ITPR1: variants seen among roughly 807,000 people sequenced by gnomAD.
ITPR1 encodes the protein inositol 1,4,5-trisphosphate-gated calcium channel ITPR1.
ITPR1 carries 96 observed loss-of-function variants against 318.4 expected under a neutral mutation model. The ratio of observed to expected loss-of-function variants is 0.30; its 90% confidence interval spans 0.26 to 0.36. The LOEUF is 0.36. Ranked by LOEUF, ITPR1 falls within the 10% of genes least tolerant of loss-of-function variation. The pLI is 1.00. For synonymous variants in ITPR1, 1,312 were observed against 1,289.9 expected (o/e 1.02, Z -0.37); for missense variants, 2,440 against 3,460.2 (o/e 0.71, Z 7.40).
At chr3:4,743,852 T>G (rs2043881124) in intron 44 of ITPR1, among the ~76,000 whole-genome samples, 1 of 152,224 alleles carries the variant, frequency 6.6e-6, no homozygotes, top group South Asian at 2.1e-4. Flanking sequence ...TTTGTTTGTT[T>G]GAGACGGAGT....
At chr3:4,773,410 TA>T (rs2046307742) in intron 46 of ITPR1, among the ~76,000 whole-genome samples, 1 of 152,362 alleles carries the variant, frequency 6.6e-6, no homozygotes, top group East Asian at 1.9e-4. Flanking sequence ...ACAGGTGTTA[TA>T]AGAGTTGCCT....
intron 46 of ITPR1, among the ~76,000 whole-genome samples, chr3:4,769,486 T>C (rs1344863014): frequency 5.9e-5 from 9 of 152,208 alleles, no homozygotes; most frequent in African/African-American, 2.4e-5. Flanking sequence ...TAAATATTTG[T>C]TGGTTGAATG....
In ITPR1 at chr3:4,670,996, G is replaced by A. The variant is rs775547888; in HGVS notation, c.2204+70G>A. The A allele has an allele frequency of 1.1e-4, 126 of 1,137,682 alleles. 1 individual carries two copies. In the Admixed American group the frequency reaches 2.4e-3, roughly 22 times the overall value. 70.5% of individuals were successfully genotyped at this position (1,137,682 alleles called of 1,614,324 possible). A position where few individuals can be genotyped will look rare whatever the true frequency, so the allele number is the denominator to read the frequency against. ...AGTGGCACTTAGGAATTTGTTGCTC[G>A]TTTGTTGATTACTTCAAGGAATCAC... On this transcript the variant is annotated intron_variant, in intron 20 of 61. Transcript: ENST00000649015.
chr3:4,496,146 G>C (rs923683023), intron 2 of ITPR1, among the ~76,000 whole-genome samples: 1 of 152,190 alleles, frequency 6.6e-6, no homozygotes, highest in African/African-American at 2.4e-5. Flanking sequence ...TTACATCAAA[G>C]AATCTGAGTA....
chr3:4,807,762 T>G (rs1249626529), intron 55 of ITPR1, among the ~76,000 whole-genome samples: 4 of 152,246 alleles, frequency 2.6e-5, no homozygotes, highest in Admixed American at 2.0e-4. Context: ...GTGATTCCCA[T>G]TATGTCGCCT....
chr3:4,678,873 A>G (rs1251547418), intron 24 of ITPR1, among the ~76,000 whole-genome samples: 1 of 152,172 alleles, frequency 6.6e-6, no homozygotes, highest in African/African-American at 2.4e-5. Flanking sequence ...GGAAGTTGTC[A>G]GAAGTGAGTT....
intron 44 of ITPR1, among the ~76,000 whole-genome samples, chr3:4,743,188 C>T (rs2043831553): frequency 6.6e-6 from 1 of 152,266 alleles, no homozygotes; most frequent in Non-Finnish European, 1.5e-5. Context: ...CTCTTCCTTT[C>T]CTCCTACTTT....
At chr3:4,652,048 C>T in intron 10 of ITPR1, 75 bp from the exon 11 acceptor site, 1 of 1,145,532 alleles carries the variant, frequency 8.7e-7, no homozygotes, top group South Asian at 1.3e-5. Context: ...TGAACTATGA[C>T]TTGTGATACC....
At chr3:4,837,840 T>A (rs964122471) in intron 61 of ITPR1, among the ~76,000 whole-genome samples, 1 of 152,194 alleles carries the variant, frequency 6.6e-6, no homozygotes, top group African/African-American at 2.4e-5. Flanking sequence ...TGCATTTCTG[T>A]AAGTGACTGG....
At chr3:4,549,470 T>C (rs2085340043) in intron 4 of ITPR1, among the ~76,000 whole-genome samples, 1 of 152,190 alleles carries the variant, frequency 6.6e-6, no homozygotes, top group African/African-American at 2.4e-5. Flanking sequence ...AGCCCTTGAA[T>C]TTGGAGGACC....
intron 4 of ITPR1, among the ~76,000 whole-genome samples, chr3:4,569,055 C>G (rs1327491922): frequency 4.6e-5 from 7 of 152,134 alleles, no homozygotes; most frequent in Non-Finnish European, 1.0e-4. Context: ...TCACCTCCCA[C>G]CAGGCCCCAC....
At position 4,684,361 on chromosome 3, in the gene ITPR1, C is replaced by A. The variant is rs374485243; in HGVS notation, c.3564+15C>A. 27 of 1,586,736 alleles carry A rather than the reference C, an allele frequency of 1.7e-5. No individual in the cohort carries two copies. The highest frequency in any genetic ancestry group is 2.3e-5 in the Non-Finnish European group (27 of 1,156,436). ...TGGTCAAAGAGGTAAGCTCCTCCCCCACCACCATTTTTCCTTTCTTTATGA... is the reference window on the plus strand; with the variant it reads ...TGGTCAAAGAGGTAAGCTCCTCCCCAACCACCATTTTTCCTTTCTTTATGA... On this transcript the variant is annotated intron_variant, in intron 29 of 61. Transcript: ENST00000649015.
intron 10 of ITPR1, among the ~76,000 whole-genome samples, chr3:4,648,287 A>G (rs537815766): frequency 6.6e-6 from 1 of 152,134 alleles, no homozygotes; most frequent in Admixed American, 6.5e-5. Context: ...TCCTCTCTAC[A>G]TGCATTTGCC....
At chr3:4,648,189 A>G (rs922288142) in intron 10 of ITPR1, among the ~76,000 whole-genome samples, 1 of 151,830 alleles carries the variant, frequency 6.6e-6, no homozygotes, top group African/African-American at 2.4e-5. Context: ...TGGGCATTGT[A>G]TAGAAAAGTT....
intron 2 of ITPR1, among the ~76,000 whole-genome samples, chr3:4,513,392 G>T (rs1285932673): frequency 1.3e-5 from 2 of 152,140 alleles, no homozygotes; most frequent in Non-Finnish European, 2.9e-5. Context: ...CAAGCTTTCT[G>T]CCCAGTCCTT....
intron 2 of ITPR1, among the ~76,000 whole-genome samples, chr3:4,515,752 G>A (rs1330616009): frequency 1.3e-5 from 2 of 152,174 alleles, no homozygotes; most frequent in East Asian, 3.8e-4. Context: ...CTAACTAGCT[G>A]CGTGTTCCTG....
intron 4 of ITPR1, chr3:4,596,251 T>C (rs1019209826): frequency 6.6e-6 from 1 of 152,176 alleles, no homozygotes; most frequent in Non-Finnish European, 1.5e-5. Flanking sequence ...GAGTTTATTG[T>C]AAACGGTCTG....
At chr3:4,786,011 TTCAC>T (rs1407454621) in intron 51 of ITPR1, among the ~76,000 whole-genome samples, 8 of 152,304 alleles carry the variant, frequency 5.3e-5, no homozygotes, top group South Asian at 2.1e-4. Flanking sequence ...ACCCAATGTC[TTCAC>T]TCTGGTGAAC....
At position 4,675,245 on chromosome 3, in the gene ITPR1, A is replaced by G. The variant is rs765099514; in HGVS notation, c.2776A>G (p.Lys926Glu). The G allele has an allele frequency of 6.2e-7, 1 of 1,607,634 alleles. No homozygotes were observed. Among genetic ancestry groups the G allele is most frequent in the Non-Finnish European group, 8.5e-7 (1 of 1,177,612 alleles). ...AGGTAACAATGATGTGGAGAAGCTG[A>G]AGAGTGAGTATCTGAGGGTGCCCAT... The part of the protein sequence containing the change: ...NKGNNDVEKL[K>E]SSNVMRSIHG... The change falls in exon 23 of 62, where the codon AAG (lysine) becomes GAG (glutamate). Residue 926 changes from lysine to glutamate, a missense_variant. Around this residue, in one of 23 missense-constraint regions of ITPR1, gnomAD observed 478 missense variants for 696.3 expected, o/e 0.69. Transcript: ENST00000649015.
Sources: gnomAD v4.1 joint callset for allele counts (sites outside exome capture counted in the v4.1 genomes callset) on GRCh38, gnomAD v4.1.1 for gene constraint, gnomAD v4.1.1 regional missense constraint, MANE v1.5 for transcripts, NCBI Gene and HGNC (gene_info 2026-07-23, HGNC 2026-07-21) for gene names.